RORA: variants seen among roughly 807,000 people sequenced by gnomAD.
RORA encodes RAR related orphan receptor A, also known as nuclear receptor ROR-alpha.
In RORA, 7 loss-of-function variants were observed where a neutral mutation model predicts 69.5. The ratio of observed to expected loss-of-function variants is 0.10; its 90% CI spans 0.06 to 0.19. RORA has a LOEUF of 0.19. RORA is among the 10% of genes least tolerant of loss of function. The probability of loss-of-function intolerance (pLI) is 1.00; values close to 1 mark genes in which losing one functional copy is unlikely to be tolerated. For missense variants in RORA, 457 were observed against 663.0 expected (o/e 0.69, Z 3.41); for synonymous variants, 261 against 240.8 (o/e 1.08, Z -0.78).
chr15:61,037,853 G>A (rs972879812), intron 1 of RORA, among the ~76,000 whole-genome samples: 4 of 152,148 alleles, frequency 2.6e-5, no homozygotes, highest in African/African-American at 7.2e-5. Flanking sequence ...TAACTCTGAT[G>A]GGGGCAGTCA....
At chr15:60,843,886 A>G (rs1339684021) in intron 1 of RORA, among the ~76,000 whole-genome samples, 1 of 152,206 alleles carries the variant, frequency 6.6e-6, no homozygotes. Flanking sequence ...AGGATAATGC[A>G]CTAAGTCCTT....
chr15:61,194,127 G>C (rs1362031296), intron 1 of RORA: 1 of 152,350 alleles, frequency 6.6e-6, no homozygotes, highest in East Asian at 1.9e-4. Context: ...TCAAGTTCTA[G>C]AGCAGAAGGT....
intron 2 of RORA, among the ~76,000 whole-genome samples, chr15:60,556,190 A>T (rs1259703476): frequency 6.6e-6 from 1 of 152,162 alleles, no homozygotes; most frequent in Non-Finnish European, 1.5e-5. Context: ...TTTAGGAAAA[A>T]ACGGATCTCA....
At chr15:60,941,388 C>T (rs578061658) in intron 1 of RORA, among the ~76,000 whole-genome samples, 1 of 152,316 alleles carries the variant, frequency 6.6e-6, no homozygotes, top group African/African-American at 2.4e-5. Context: ...AATGTGTTGG[C>T]GTCTCGCGAT....
chr15:61,219,595 T>G (rs1199409864), intron 1 of RORA, among the ~76,000 whole-genome samples: 1 of 150,138 alleles, frequency 6.7e-6, no homozygotes, highest in Non-Finnish European at 1.5e-5. Flanking sequence ...AAAAAAAAAA[T>G]CCTCATTATT....
chr15:61,043,881 T>C (rs906197769), intron 1 of RORA, among the ~76,000 whole-genome samples: 2 of 152,180 alleles, frequency 1.3e-5, no homozygotes, highest in African/African-American at 4.8e-5. Flanking sequence ...CCTGCTCTTG[T>C]GTCCAGATTA....
At chr15:60,979,008 C>T (rs562933837) in intron 1 of RORA, among the ~76,000 whole-genome samples, 286 of 128,054 alleles carry the variant, frequency 2.2e-3, no homozygotes, top group Non-Finnish European at 3.5e-3. Context: ...GTAGCCCAGG[C>T]TGGAGTGCAG....
chr15:60,938,025 C>T (rs868088574), intron 1 of RORA, among the ~76,000 whole-genome samples: 3 of 152,032 alleles, frequency 2.0e-5, no homozygotes, highest in African/African-American at 4.8e-5. Context: ...ACTCAGAGAA[C>T]GAAAATTAGC....
In RORA at chr15:60,656,841, A is replaced by G. The variant is rs74563162; in HGVS notation, c.196+21816T>C. ...GGAGGCCAAGGCCTCTTTCCTCCCC[A>G]TTAGTGGTGGCTTGCTCTAAGATAA... On this transcript the variant is annotated intron_variant, in intron 2 of 10. Transcript: ENST00000335670. Among the ~76,000 whole-genome samples the G allele has an allele frequency of 5.4e-3, 820 of 152,352 alleles. 9 individuals are homozygous for G. The highest frequency in any genetic ancestry group is 0.019 in the African/African-American group (779 of 41,582).
intron 10 of RORA, among the ~76,000 whole-genome samples, chr15:60,498,331 T>G (rs1407249773): frequency 6.6e-6 from 1 of 151,922 alleles, no homozygotes; most frequent in Non-Finnish European, 1.5e-5. Context: ...GGGGCAGTGG[T>G]GGGTGGGTAG....
At chr15:60,562,727 T>C (rs1030313472) in intron 2 of RORA, among the ~76,000 whole-genome samples, 5 of 151,992 alleles carry the variant, frequency 3.3e-5, no homozygotes, top group African/African-American at 1.2e-4. Context: ...ATTACATGCA[T>C]GAGCCACTGT....
At chr15:60,626,269 G>C (rs2069576601) in intron 2 of RORA, among the ~76,000 whole-genome samples, 1 of 152,150 alleles carries the variant, frequency 6.6e-6, no homozygotes, top group African/African-American at 2.4e-5. Flanking sequence ...TCCCCTCTTG[G>C]AACTGACAGG....
chr15:60,865,573 C>A (rs926868432), intron 1 of RORA, among the ~76,000 whole-genome samples: 1 of 152,172 alleles, frequency 6.6e-6, no homozygotes, highest in African/African-American at 2.4e-5. Flanking sequence ...GGGTGAGCGT[C>A]CTCTGTAGAC....
intron 1 of RORA, among the ~76,000 whole-genome samples, chr15:61,179,802 C>A (rs1476700840): frequency 6.6e-6 from 1 of 152,112 alleles, no homozygotes; most frequent in Non-Finnish European, 1.5e-5. Flanking sequence ...AGGTCCTCCA[C>A]ACCTGCTTAC....
In RORA at chr15:60,842,600, T is replaced by C. The variant is rs141361356; in HGVS notation, c.167-163914A>G. Among the ~76,000 whole-genome samples, 449 of 152,248 alleles carry C rather than the reference T, an allele frequency of 2.9e-3. 1 individual carries two copies. Among genetic ancestry groups the C allele is most frequent in the African/African-American group, 9.8e-3 (408 of 41,542 alleles). The stretch of plus-strand genomic sequence containing the variant: ...GTGGGTCAGTGGTCAGTGGTGAGCA[T>C]TGGACTGCAGATCTTATGATGTCAA... On this transcript the variant is annotated intron_variant, in intron 1 of 10. Coordinates refer to ENST00000335670, the MANE Select transcript of RORA (RefSeq NM_134261.3).
At chr15:60,985,101 G>A (rs1331730025) in intron 1 of RORA, among the ~76,000 whole-genome samples, 4 of 152,136 alleles carry the variant, frequency 2.6e-5, no homozygotes, top group Non-Finnish European at 5.9e-5. Context: ...AAGAATGAAG[G>A]AACATTCCAG....
intron 1 of RORA, among the ~76,000 whole-genome samples, chr15:60,992,809 C>G (rs1052239023): frequency 2.0e-5 from 3 of 152,174 alleles, no homozygotes; most frequent in Admixed American, 6.5e-5. Context: ...AATATAAAGT[C>G]TACTTCGGTC....
intron 1 of RORA, among the ~76,000 whole-genome samples, chr15:60,763,469 T>G (rs2071931038): frequency 6.6e-6 from 1 of 152,170 alleles, no homozygotes; most frequent in East Asian, 1.9e-4. Flanking sequence ...TTTCAAAGTT[T>G]AGGAGGTTAC....
chr15:60,491,049 T>C lies in RORA; in HGVS notation c.*6406A>G, dbSNP rs1301957046. On this transcript the variant is annotated 3_prime_UTR_variant, in exon 11 of 11. Transcript: ENST00000335670. ...GTCCTAATGTTTAAAAATTTACCAC[T>C]GTTTAATATGAGATTTCAAACTGTG... 3 of 152,320 alleles carry C rather than the reference T, an allele frequency of 2.0e-5. No individual in the cohort carries two copies. In the East Asian group the frequency reaches 5.8e-4, roughly 29 times the overall value. 9.4% of individuals were successfully genotyped at this position (152,320 alleles called of 1,614,324 possible). A position where few individuals can be genotyped will look rare whatever the true frequency, so the allele number is the denominator to read the frequency against.
Sources: allele counts gnomAD v4.1 joint callset (sites outside exome capture counted in the v4.1 genomes callset), GRCh38; gene constraint gnomAD v4.1.1; transcripts MANE v1.5; gene names NCBI Gene and HGNC (gene_info 2026-07-23, HGNC 2026-07-21).